The following GLDN variants were observed in gnomAD, a reference collection of about 807,000 sequenced individuals.
GLDN encodes the protein collomin.
In GLDN, 47 loss-of-function variants were observed where a neutral mutation model predicts 56.5. That is an observed-to-expected ratio of 0.83 (90% CI 0.66 to 1.06). GLDN has a LOEUF of 1.06. GLDN is among the 50% of genes least tolerant of loss of function. The pLI, the probability that GLDN is intolerant of heterozygous loss-of-function variation, is 0.00. For synonymous variants in GLDN, 332 were observed against 278.8 expected (o/e 1.19, Z -1.90); for missense variants, 782 against 714.3 (o/e 1.09, Z -1.08).
At chr15:51,394,809 A>G (rs779702120) in intron 4 of GLDN, 26 bp from the exon 5 acceptor site, 25 of 1,613,412 alleles carry the variant, frequency 1.5e-5, no homozygotes, top group Non-Finnish European at 2.0e-5. Context: ...ACCATAGGCT[A>G]ATATGTCTTT....
chr15:51,345,759 C>A (rs79276205), intron 1 of GLDN, among the ~76,000 whole-genome samples: 3 of 152,072 alleles, frequency 2.0e-5, no homozygotes, highest in African/African-American at 7.2e-5. Context: ...GCCAGAGCAA[C>A]AAGACAAGGG....
chr15:51,358,592 C>A (rs2446413), intron 1 of GLDN, among the ~76,000 whole-genome samples: 25,820 of 152,118 alleles, frequency 0.17, 2,709 homozygotes, highest in East Asian at 0.49. Context: ...TGGGTGATTG[C>A]ACACCCTGGA....
chr15:51,351,107 G>T, intron 1 of GLDN: 1 of 282,864 alleles, frequency 3.5e-6, no homozygotes, highest in South Asian at 4.2e-5. Context: ...CACTTAAAAT[G>T]AGATATCTTG....
intron 1 of GLDN, among the ~76,000 whole-genome samples, chr15:51,371,385 A>T (rs1207036225): frequency 6.6e-6 from 1 of 152,180 alleles, no homozygotes; most frequent in Non-Finnish European, 1.5e-5. Context: ...TTTTCTTTTT[A>T]ACAGATACTG....
chr15:51,347,525 A>G (rs1359249421), intron 1 of GLDN, among the ~76,000 whole-genome samples: 2 of 152,218 alleles, frequency 1.3e-5, no homozygotes, highest in African/African-American at 4.8e-5. Context: ...AAAAGATTGG[A>G]CACCCCTAAC....
rs147945116 is a variant in GLDN, at chr15:51,406,473, T to C, written c.*1719T>C. The C allele has an allele frequency of 6.6e-6, 1 of 152,150 alleles. No individual in the cohort carries two copies. The highest frequency in any genetic ancestry group is 1.5e-5 in the Non-Finnish European group (1 of 68,028). The allele number at this position is 152,150 out of a possible 1,614,324, so 9.4% of individuals were successfully genotyped here. A position where few individuals can be genotyped will look rare whatever the true frequency, so the allele number is the denominator to read the frequency against. ...TCTTTGGGACCAAATTCATTCTCAA[T>C]GGCCCTGAGTTCAATATATTATTAA... On this transcript the variant is annotated 3_prime_UTR_variant, in exon 10 of 10. Coordinates refer to ENST00000335449, the MANE Select transcript of GLDN (RefSeq NM_181789.4).
chr15:51,361,448 AAG>A (rs1566938121), intron 1 of GLDN, among the ~76,000 whole-genome samples: 1 of 152,122 alleles, frequency 6.6e-6, no homozygotes, highest in Non-Finnish European at 1.5e-5. Flanking sequence ...TTGCCATACT[AAG>A]AGTTTTAGAG....
chr15:51,358,547 G>A (rs58038581), intron 1 of GLDN, among the ~76,000 whole-genome samples: 6,095 of 152,172 alleles, frequency 0.04, 176 homozygotes, highest in Middle Eastern at 0.11. Flanking sequence ...CTGCTATGTC[G>A]GTAAGCACAA....
At chr15:51,349,220 G>A (rs983423329) in intron 1 of GLDN, among the ~76,000 whole-genome samples, 2 of 152,166 alleles carry the variant, frequency 1.3e-5, no homozygotes, top group Admixed American at 6.5e-5. Flanking sequence ...ATTGTTTATA[G>A]AGAAAAAAAA....
intron 1 of GLDN, among the ~76,000 whole-genome samples, chr15:51,367,223 G>A (rs571849824): frequency 2.6e-5 from 4 of 152,174 alleles, no homozygotes; most frequent in Non-Finnish European, 4.4e-5. Flanking sequence ...ATCCTCCTTC[G>A]GGGACTTCAG....
intron 1 of GLDN, among the ~76,000 whole-genome samples, chr15:51,377,095 A>G (rs533862386): frequency 6.6e-6 from 1 of 152,330 alleles, no homozygotes; most frequent in Admixed American, 6.5e-5. Flanking sequence ...ATCAATTATT[A>G]TGTACTATAC....
rs1391410629 is a variant in GLDN at position 51,405,790 on chromosome 15, G to C, written c.*1036G>C. On this transcript the variant is annotated 3_prime_UTR_variant, in exon 10 of 10. Transcript: ENST00000335449. ...CATTTGTGGCTATTATGTAGAACTG[G>C]GCCAGAGCCAGTCCATTGCCTGTTT... 2 of 152,226 alleles carry C rather than the reference G, an allele frequency of 1.3e-5. No individual in the cohort carries two copies. Among genetic ancestry groups the C allele is most frequent in the African/African-American group, 4.8e-5 (2 of 41,450 alleles). The allele number at this position is 152,226 out of a possible 1,614,324, so 9.4% of individuals were successfully genotyped here. A position where few individuals can be genotyped will look rare whatever the true frequency, so the allele number is the denominator to read the frequency against.
At chr15:51,397,700 G>A in intron 6 of GLDN, 102 bp downstream of exon 6, 2 of 1,305,580 alleles carry the variant, frequency 1.5e-6, no homozygotes, top group Non-Finnish European at 9.9e-7. Context: ...AATAGAGGGA[G>A]GAGGGTTTTG....
chr15:51,370,665 C>T (rs1306505234), intron 1 of GLDN, among the ~76,000 whole-genome samples: 1 of 151,782 alleles, frequency 6.6e-6, no homozygotes, highest in Non-Finnish European at 1.5e-5. Context: ...ATTATTCCAA[C>T]ATACCTTTAC....
In GLDN at chr15:51,392,485, T is replaced by C. The variant is rs529519229; in HGVS notation, c.542-2350T>C. 2.6e-5 allele frequency among the ~76,000 whole-genome samples: 4 copies of C among 152,328 alleles called. No individual in the cohort carries two copies. The East Asian group carries it at 5.8e-4, about 22-fold the overall frequency. ...GCTCAGGGCTCCCAGTGATTCTACA[T>C]TATGGTGAGTTGTATAATTATTTTG... On this transcript the variant is annotated intron_variant, in intron 4 of 9. Coordinates refer to ENST00000335449, the MANE Select transcript of GLDN (RefSeq NM_181789.4).
rs1375166612 is a variant in GLDN at position 51,405,112 on chromosome 15, G to A, written c.*358G>A. The A allele has an allele frequency of 2.3e-5, 5 of 215,278 alleles. No individual in the cohort carries two copies. Among genetic ancestry groups the A allele is most frequent in the African/African-American group, 4.7e-5 (2 of 42,664 alleles). 13.3% of individuals were successfully genotyped at this position (215,278 alleles called of 1,614,324 possible). A position where few individuals can be genotyped will look rare whatever the true frequency, so the allele number is the denominator to read the frequency against. The stretch of plus-strand genomic sequence containing the variant: ...CAACTTTTATGTATCTGCTTCTGTC[G>A]TTTAGCTTTTTTAGCCACATGCTGA... On this transcript the variant is annotated 3_prime_UTR_variant, in exon 10 of 10. Transcript: ENST00000335449.
At chr15:51,403,164 C>T (rs1490903800) in intron 9 of GLDN, among the ~76,000 whole-genome samples, 1 of 152,146 alleles carries the variant, frequency 6.6e-6, no homozygotes, top group South Asian at 2.1e-4. Flanking sequence ...TGCCGCGCCA[C>T]GGACTGGGAC....
At chr15:51,358,726 C>A (rs2037234185) in intron 1 of GLDN, among the ~76,000 whole-genome samples, 1 of 152,124 alleles carries the variant, frequency 6.6e-6, no homozygotes. Flanking sequence ...AGCAAAACCA[C>A]CCCTGAGGTG....
intron 4 of GLDN, among the ~76,000 whole-genome samples, chr15:51,392,555 G>T (rs1050287157): frequency 4.6e-5 from 7 of 152,152 alleles, no homozygotes; most frequent in Non-Finnish European, 1.5e-5. Flanking sequence ...CACAATAAAT[G>T]CAATGCATTT....
Sources: allele counts gnomAD v4.1 joint callset (sites outside exome capture counted in the v4.1 genomes callset), GRCh38; gene constraint gnomAD v4.1.1; transcripts MANE v1.5; gene names NCBI Gene and HGNC (gene_info 2026-07-23, HGNC 2026-07-21).